Variants in ARHGAP12 observed in about 807,000 individuals in gnomAD.
ARHGAP12 encodes Rho GTPase activating protein 12.
In ARHGAP12, 64 loss-of-function variants were observed where a neutral mutation model predicts 108.6. The observed-to-expected ratio is 0.59, with a 90% CI of 0.48 to 0.73. The LOEUF (loss-of-function observed/expected upper bound fraction) is 0.73, where lower values mean the gene tolerates loss of function less well. ARHGAP12 is among the 30% of genes least tolerant of loss of function. The pLI is 0.00. For synonymous variants in ARHGAP12, 312 were observed against 337.2 expected (o/e 0.93, Z 0.82); for missense variants, 940 against 1,005.9 (o/e 0.93, Z 0.89).
At chr10:31,863,768 T>C (rs75879748) in intron 3 of ARHGAP12, among the ~76,000 whole-genome samples, 3,739 of 152,274 alleles carry the variant, frequency 0.025, 164 homozygotes, top group African/African-American at 0.084. Flanking sequence ...TTTAGATTCA[T>C]AGATAAACAC....
At position 31,839,310 on chromosome 10, in the gene ARHGAP12, G is replaced by C. The variant is rs1361172411; in HGVS notation, c.1381C>G (p.Pro461Ala). 7 of 1,610,906 alleles carry C rather than the reference G, an allele frequency of 4.3e-6. No individual in the cohort carries two copies. Among genetic ancestry groups the C allele is most frequent in the Admixed American group, 1.7e-5 (1 of 59,840 alleles). The change falls in exon 9 of 20, where the codon CCA becomes GCA. Residue 461 changes from proline to alanine, a missense_variant. Transcript: ENST00000344936. ...SPKHQDTASS[P>A]KDQEKYGLLN... ...AGGAGAGGATTGCTTCTTACCTTTG[G>C]ACTGCTGGCCTGAGGAAAAAAAGAG...
chr10:31,808,930 G>T, intron 18 of ARHGAP12, 64 bp downstream of exon 18: 1 of 1,466,300 alleles, frequency 6.8e-7, no homozygotes, highest in East Asian at 2.3e-5. Context: ...AAAAAATTGG[G>T]TGGCTTAATC....
chr10:31,809,251 G>A lies in ARHGAP12; in HGVS notation c.2107C>T (p.Leu703=). 6.2e-7 allele frequency: 1 copy of A among 1,613,922 alleles called. No homozygotes were observed. The highest frequency in any genetic ancestry group is 8.5e-7 in the Non-Finnish European group (1 of 1,179,898). The change falls in exon 17 of 20, where the codon CTA becomes TTA. Residue 703 remains leucine, a synonymous_variant. Coordinates refer to ENST00000344936, the MANE Select transcript of ARHGAP12 (RefSeq NM_018287.7). ...VSGNLAVIQK[L]RFAVNHDEKL... is the part of the protein sequence containing the mutation. ...TTACCATGATTGACTGCAAACCTTA[G>A]TTTCTGGATCACTGCGAGGTTGCCA...
At chr10:31,879,837 A>G (rs1159371867) in intron 3 of ARHGAP12, among the ~76,000 whole-genome samples, 1 of 152,228 alleles carries the variant, frequency 6.6e-6, no homozygotes, top group East Asian at 1.9e-4. Context: ...ATGCATTCCA[A>G]GTTCTTAATG....
chr10:31,886,079 C>T (rs575701232), intron 3 of ARHGAP12, among the ~76,000 whole-genome samples: 152 of 152,260 alleles, frequency 1.0e-3, no homozygotes, highest in African/African-American at 3.4e-3. Context: ...AGTAGTCATT[C>T]TGAGTTTAAA....
At chr10:31,850,673 C>A (rs1461811294) in intron 6 of ARHGAP12, among the ~76,000 whole-genome samples, 2 of 152,064 alleles carry the variant, frequency 1.3e-5, no homozygotes, top group African/African-American at 4.8e-5. Context: ...ATCATTTTCC[C>A]ACTTATAAGT....
chr10:31,859,970 C>T (rs532013774), intron 4 of ARHGAP12, among the ~76,000 whole-genome samples: 75 of 152,056 alleles, frequency 4.9e-4, no homozygotes, highest in African/African-American at 1.7e-3. Flanking sequence ...AATTTAGAGA[C>T]AGGGTTTCAC....
chr10:31,925,688 A>C (rs898218074), intron 1 of ARHGAP12, among the ~76,000 whole-genome samples: 2 of 152,214 alleles, frequency 1.3e-5, no homozygotes, highest in African/African-American at 4.8e-5. Context: ...CCTAAAATTT[A>C]CATTCTCAAG....
intron 9 of ARHGAP12, 92 bp downstream of exon 9, chr10:31,839,201 TATATTATTTCCA>T: frequency 8.3e-7 from 1 of 1,207,002 alleles, no homozygotes; most frequent in East Asian, 2.4e-5. Context: ...ACAGTTAAGC[TATATTATTTCCA>T]ATATTCATCT....
At position 31,832,190 on chromosome 10, in the gene ARHGAP12, T is replaced by C. The variant is rs571765300; in HGVS notation, c.1387-390A>G. On this transcript the variant is annotated intron_variant, in intron 9 of 19. Transcript: ENST00000344936. ...TTACTTTGCTGTTATTTTACAACTA[T>C]ATAATCTGAAAATTATTCAATATAC... Among the ~76,000 whole-genome samples the C allele has an allele frequency of 8.7e-4, 133 of 152,308 alleles. No homozygotes were observed. In the Middle Eastern group the frequency reaches 0.01, roughly 12 times the overall value.
intron 3 of ARHGAP12, among the ~76,000 whole-genome samples, chr10:31,899,029 G>A (rs72773108): frequency 0.033 from 4,956 of 152,230 alleles, 105 homozygotes; most frequent in Non-Finnish European, 0.052. Context: ...CAACATGGCT[G>A]AACATTGAAA....
intron 3 of ARHGAP12, among the ~76,000 whole-genome samples, chr10:31,889,185 T>C (rs931491669): frequency 6.6e-6 from 1 of 152,238 alleles, no homozygotes; most frequent in Non-Finnish European, 1.5e-5. Flanking sequence ...GTGCAGCGAT[T>C]ACAGACGTGA....
intron 3 of ARHGAP12, among the ~76,000 whole-genome samples, chr10:31,893,231 G>C (rs1341939134): frequency 6.6e-6 from 1 of 152,096 alleles, no homozygotes; most frequent in Non-Finnish European, 1.5e-5. Context: ...GCTTGCAGAA[G>C]GCAAGAAATG....
At chr10:31,836,444 G>A (rs1836017542) in intron 9 of ARHGAP12, among the ~76,000 whole-genome samples, 2 of 151,560 alleles carry the variant, frequency 1.3e-5, no homozygotes, top group Admixed American at 1.3e-4. Context: ...AGATTTAAAG[G>A]GACTACAAAA....
At chr10:31,893,094 T>C (rs913588996) in intron 3 of ARHGAP12, among the ~76,000 whole-genome samples, 130 of 152,230 alleles carry the variant, frequency 8.5e-4, no homozygotes, top group African/African-American at 3.0e-3. Context: ...GGGACACATT[T>C]AAAGCAGTGT....
intron 1 of ARHGAP12, among the ~76,000 whole-genome samples, chr10:31,918,272 A>G (rs1018098455): frequency 8.6e-5 from 13 of 151,098 alleles, no homozygotes; most frequent in African/African-American, 3.2e-4. Context: ...AGCGGCCAGT[A>G]AGAACCTGCA....
At chr10:31,906,999 T>C (rs1839158468) in intron 3 of ARHGAP12, among the ~76,000 whole-genome samples, 1 of 152,152 alleles carries the variant, frequency 6.6e-6, no homozygotes, top group African/African-American at 2.4e-5. Context: ...TTCACATAGC[T>C]TCCTTGATCT....
intron 3 of ARHGAP12, among the ~76,000 whole-genome samples, chr10:31,890,118 C>A (rs1428966145): frequency 1.3e-5 from 2 of 152,080 alleles, no homozygotes; most frequent in Non-Finnish European, 2.9e-5. Context: ...AATGACAATT[C>A]TGAGCTCCAT....
intron 1 of ARHGAP12, among the ~76,000 whole-genome samples, chr10:31,921,384 C>T (rs1839798526): frequency 6.6e-6 from 1 of 152,098 alleles, no homozygotes; most frequent in Admixed American, 6.6e-5. Flanking sequence ...ACAAAACTTA[C>T]AGCACTAAAT....
Sources: gnomAD v4.1 joint callset for allele counts (sites outside exome capture counted in the v4.1 genomes callset) on GRCh38, gnomAD v4.1.1 for gene constraint, MANE v1.5 for transcripts, NCBI Gene and HGNC (gene_info 2026-07-23, HGNC 2026-07-21) for gene names.